The following MTX2 variants were observed in gnomAD, a reference collection of about 807,000 sequenced individuals.
The protein encoded by MTX2 is metaxin 2.
In MTX2, 35 loss-of-function variants were observed where a neutral mutation model predicts 42.3. That is an observed-to-expected ratio of 0.83 (90% confidence interval 0.63 to 1.10). The LOEUF (loss-of-function observed/expected upper bound fraction) is 1.10. Ranked by LOEUF, MTX2 falls within the 50% of genes least tolerant of loss-of-function variation. The probability of loss-of-function intolerance (pLI) is 0.00; values close to 1 mark genes in which losing one functional copy is unlikely to be tolerated. For synonymous variants in MTX2, 119 were observed against 100.9 expected, an observed-to-expected ratio of 1.18 and a Z score of -1.08; for missense variants, 307 against 304.1, an observed-to-expected ratio of 1.01 and a Z score of -0.07.
At chr2:176,313,788 C>T (rs746228872) in intron 3 of MTX2, among the ~76,000 whole-genome samples, 7 of 152,078 alleles carry the variant, frequency 4.6e-5, no homozygotes, top group Non-Finnish European at 8.8e-5. Flanking sequence ...ACTTAGGTAA[C>T]TTGCTTTCAA....
chr2:176,296,689 A>G (rs1683894638), intron 1 of MTX2, among the ~76,000 whole-genome samples, 171 bp from the exon 2 acceptor site: 1 of 152,178 alleles, frequency 6.6e-6, no homozygotes, highest in South Asian at 2.1e-4. Flanking sequence ...TATCTAACCT[A>G]CTTATACAGG....
chr2:176,272,975 G>GA (rs530163771), intron 1 of MTX2, among the ~76,000 whole-genome samples: 1 of 151,912 alleles, frequency 6.6e-6, no homozygotes, highest in Non-Finnish European at 1.5e-5. Flanking sequence ...AAGTTACAAA[G>GA]AAAAAAAATT....
intron 2 of MTX2, among the ~76,000 whole-genome samples, chr2:176,297,633 C>G (rs2105414141): frequency 6.6e-6 from 1 of 152,064 alleles, no homozygotes; most frequent in South Asian, 2.1e-4. Context: ...AATTACATTG[C>G]TGATAAAATA....
chr2:176,273,139 C>T (rs533433873), intron 1 of MTX2, among the ~76,000 whole-genome samples: 2 of 152,272 alleles, frequency 1.3e-5, no homozygotes, highest in South Asian at 2.1e-4. Flanking sequence ...TTTACAACAA[C>T]CTACTCTTGG....
In MTX2 at chr2:176,270,264, G is replaced by T; in HGVS notation, c.40+595G>T. 3 of 996,046 alleles carry T rather than the reference G, an allele frequency of 3.0e-6. No homozygotes were observed. The South Asian group carries it at 4.9e-5, about 16-fold the overall frequency. The allele number at this position is 996,046 out of a possible 1,614,324, so 61.7% of individuals were successfully genotyped here. On this transcript the variant is annotated intron_variant, in intron 1 of 9. Coordinates refer to ENST00000249442, the MANE Select transcript of MTX2 (RefSeq NM_006554.5). ...GGGCTCACTGCAACCTCCGCTTCCC[G>T]GGTTCAAGCGATTCTCCTGCCTTAG...
chr2:176,334,787 T>C (rs1378374733), intron 9 of MTX2, among the ~76,000 whole-genome samples: 1 of 152,056 alleles, frequency 6.6e-6, no homozygotes, highest in East Asian at 1.9e-4. Flanking sequence ...GATACTGTGC[T>C]AAGAACTGGG....
intron 1 of MTX2, among the ~76,000 whole-genome samples, chr2:176,273,977 C>G (rs907068425): frequency 1.3e-5 from 2 of 151,798 alleles, no homozygotes; most frequent in African/African-American, 2.4e-5. Context: ...GTAGGACAGC[C>G]TCATGTCTTG....
rs1426026089 is a variant in MTX2 at position 176,269,446 on chromosome 2, C to G, written c.-184C>G. On this transcript the variant is annotated 5_prime_UTR_variant, in exon 1 of 10. Coordinates refer to ENST00000249442, the MANE Select transcript of MTX2 (RefSeq NM_006554.5). ...CCGTTGTCGGCTGCGCCGGAAGTCCCTAGCCAGGCCTGGCGGTAACCTTGG... is the reference window on the plus strand; with the variant it reads ...CCGTTGTCGGCTGCGCCGGAAGTCCGTAGCCAGGCCTGGCGGTAACCTTGG... 1.6e-6 allele frequency: 1 copy of G among 625,198 alleles called. No individual in the cohort carries two copies. Among genetic ancestry groups the G allele is most frequent in the Non-Finnish European group, 2.5e-6 (1 of 393,916 alleles). The allele number at this position is 625,198 out of a possible 1,614,324, so 38.7% of individuals were successfully genotyped here. A position where few individuals can be genotyped will look rare whatever the true frequency, so the allele number is the denominator to read the frequency against.
intron 1 of MTX2, among the ~76,000 whole-genome samples, chr2:176,293,408 T>A (rs914961528): frequency 1.7e-4 from 26 of 152,194 alleles, no homozygotes; most frequent in Non-Finnish European, 2.9e-5. Flanking sequence ...GTTTGGATGT[T>A]TGTTCCCTGC....
At chr2:176,270,159 T>G (rs1692768186) in intron 1 of MTX2, 1 of 333,768 alleles carries the variant, frequency 3.0e-6, no homozygotes, top group Admixed American at 4.0e-5. Context: ...TTGCTAAGAC[T>G]CTAGGAGTTA....
chr2:176,309,720 CTTTTT>C (rs745705028), intron 3 of MTX2, among the ~76,000 whole-genome samples: 1 of 98,546 alleles, frequency 1.0e-5, no homozygotes, highest in African/African-American at 4.5e-5. Context: ...GCAACCTCTG[CTTTTT>C]TTTTTTTTTT....
intron 1 of MTX2, among the ~76,000 whole-genome samples, chr2:176,272,383 A>G (rs754168015): frequency 6.6e-6 from 1 of 152,226 alleles, no homozygotes; most frequent in East Asian, 1.9e-4. Context: ...AATGTATTAT[A>G]TATTTCAAAA....
intron 4 of MTX2, among the ~76,000 whole-genome samples, chr2:176,324,153 T>C (rs982708514): frequency 6.6e-6 from 1 of 151,624 alleles, no homozygotes; most frequent in Admixed American, 6.6e-5. Context: ...GTTGGAGCAA[T>C]AATACGTAGA....
At chr2:176,303,779 G>A (rs556594336) in intron 3 of MTX2, among the ~76,000 whole-genome samples, 5 of 152,174 alleles carry the variant, frequency 3.3e-5, no homozygotes, top group African/African-American at 1.2e-4. Context: ...GGTGGCTATA[G>A]GAGTTGTTGT....
chr2:176,323,393 C>A lies in MTX2; in HGVS notation c.137C>A (p.Ala46Asp). The change falls in exon 4 of 10, where the codon GCC (alanine) becomes GAC (aspartate). Residue 46 changes from alanine to aspartate, a missense_variant and splice_region_variant. Coordinates refer to ENST00000249442, the MANE Select transcript of MTX2 (RefSeq NM_006554.5). ...SDNAASLAVQ[A>D]FLQMCNLPIK... ...TATTGTATGTATCTTGATTTACAGG[C>A]CTTTTTGCAAATGTGTAACTTGCCT... is the stretch of plus-strand genomic sequence containing the variant. The A allele has an allele frequency of 6.2e-7, 1 of 1,610,204 alleles. No individual in the cohort carries two copies. The highest frequency in any genetic ancestry group is 8.5e-7 in the Non-Finnish European group (1 of 1,177,418).
At chr2:176,309,859 A>G (rs533057288) in intron 3 of MTX2, among the ~76,000 whole-genome samples, 14 of 151,472 alleles carry the variant, frequency 9.2e-5, no homozygotes, top group East Asian at 3.9e-4. Context: ...TCTTTATCCA[A>G]TTTGCCAGTC....
intron 1 of MTX2, among the ~76,000 whole-genome samples, chr2:176,291,070 G>A (rs1693318529): frequency 6.6e-6 from 1 of 151,950 alleles, no homozygotes; most frequent in Non-Finnish European, 1.5e-5. Context: ...TGAGCATGCA[G>A]GCCTGAATTT....
chr2:176,294,609 A>G (rs1205463534), intron 1 of MTX2, among the ~76,000 whole-genome samples: 4 of 152,240 alleles, frequency 2.6e-5, no homozygotes, highest in Non-Finnish European at 5.9e-5. Flanking sequence ...TACTGACCAC[A>G]TAAATTGCTG....
At position 176,280,889 on chromosome 2, in the gene MTX2, C is replaced by T. The variant is rs934465727; in HGVS notation, c.40+11220C>T. Among the ~76,000 whole-genome samples the T allele has an allele frequency of 2.6e-5, 4 of 152,160 alleles. No homozygotes were observed. The East Asian group carries it at 7.7e-4, about 29-fold the overall frequency. The stretch of plus-strand genomic sequence containing the variant: ...AGAGCGTCATGGACAAGGATAGTGT[C>T]CTGGGCTGATCCAGACAGTTGTCAG... On this transcript the variant is annotated intron_variant, in intron 1 of 9. Transcript: ENST00000249442.
Sources: allele counts gnomAD v4.1 joint callset (sites outside exome capture counted in the v4.1 genomes callset), GRCh38; gene constraint gnomAD v4.1.1; transcripts MANE v1.5; gene names NCBI Gene and HGNC (gene_info 2026-07-23, HGNC 2026-07-21).